SPRR2G: variants seen among roughly 807,000 people sequenced by gnomAD.
SPRR2G encodes the protein small proline-rich protein 2G.
In SPRR2G, 1 loss-of-function variant was observed where a neutral mutation model predicts 0.7. The observed-to-expected ratio is 1.49, with a 90% confidence interval of 0.53 to 7.06. The LOEUF is 7.06. Among genes scored for constraint, SPRR2G ranks in the 30% most tolerant of loss-of-function variants. The pLI, the probability that SPRR2G is intolerant of heterozygous loss-of-function variation, is 0.14. For synonymous variants in SPRR2G, 38 were observed against 33.9 expected (o/e 1.12, Z -0.42); for missense variants, 96 against 88.5 (o/e 1.09, Z -0.34).
At chr1:153,161,030 GA>G in the SPRR2G span, among the ~76,000 whole-genome samples, 4 of 148,456 alleles carry the variant, frequency 2.7e-5, no homozygotes, top group African/African-American at 1.0e-4. Flanking sequence ...TCATAGGTGG[GA>G]ATTGAACAAC....
the SPRR2G span, chr1:153,190,694 A>G: frequency 6.6e-6 from 1 of 152,224 alleles, no homozygotes; most frequent in African/African-American, 2.4e-5. Context: ...AAATTAACAC[A>G]TGAAAACTGC....
At chr1:153,197,656 G>A in the SPRR2G span, among the ~76,000 whole-genome samples, 2 of 152,208 alleles carry the variant, frequency 1.3e-5, no homozygotes, top group Non-Finnish European at 2.9e-5. Context: ...CCCCCCGGCA[G>A]AACAGGTGGG....
the SPRR2G span, among the ~76,000 whole-genome samples, chr1:153,157,164 T>C: frequency 6.6e-6 from 1 of 152,238 alleles, no homozygotes; most frequent in Non-Finnish European, 1.5e-5. Context: ...ATCTGTATTT[T>C]GTGAATTATT....
At chr1:153,184,901 G>GT in the SPRR2G span, among the ~76,000 whole-genome samples, 13 of 152,286 alleles carry the variant, frequency 8.5e-5, no homozygotes, top group South Asian at 2.7e-3. Context: ...TTTATTGAGT[G>GT]TTTTTATCGT....
At chr1:153,174,388 T>C in the SPRR2G span, 1 of 152,160 alleles carries the variant, frequency 6.6e-6, no homozygotes, top group African/African-American at 2.4e-5. Context: ...AGGCTAAGCA[T>C]ATAGGGGAAA....
the SPRR2G span, among the ~76,000 whole-genome samples, chr1:153,181,423 T>C: frequency 6.6e-6 from 1 of 152,200 alleles, no homozygotes; most frequent in Non-Finnish European, 1.5e-5. Context: ...TTTCAGTTCC[T>C]CACTTCCAGA....
At chr1:153,197,880 T>C in the SPRR2G span, among the ~76,000 whole-genome samples, 1 of 152,196 alleles carries the variant, frequency 6.6e-6, no homozygotes, top group African/African-American at 2.4e-5. Context: ...TCCATCTCCT[T>C]ATTGACAAGA....
At chr1:153,199,979 T>C in the SPRR2G span, among the ~76,000 whole-genome samples, 1 of 152,016 alleles carries the variant, frequency 6.6e-6, no homozygotes, top group African/African-American at 2.4e-5. Context: ...AGAAATACTT[T>C]GCCAAAAAAG....
chr1:153,193,266 C>A, the SPRR2G span, among the ~76,000 whole-genome samples: 4 of 152,146 alleles, frequency 2.6e-5, no homozygotes, highest in African/African-American at 4.8e-5. Flanking sequence ...CCACTCACCC[C>A]CACCGATCAT....
the SPRR2G span, among the ~76,000 whole-genome samples, chr1:153,160,195 TAA>T: frequency 2.5e-5 from 1 of 39,236 alleles, no homozygotes; most frequent in Non-Finnish European, 7.9e-5. Flanking sequence ...TCACTTAGCA[TAA>T]TATCATCAAG....
the SPRR2G span, among the ~76,000 whole-genome samples, chr1:153,164,193 CA>C: frequency 6.6e-6 from 1 of 152,154 alleles, no homozygotes; most frequent in African/African-American, 2.4e-5. Context: ...CAAAATCATT[CA>C]CAACCCAAAG....
chr1:153,186,390 G>GAAACTT, the SPRR2G span, among the ~76,000 whole-genome samples: 1 of 152,154 alleles, frequency 6.6e-6, no homozygotes, highest in Non-Finnish European at 1.5e-5. Flanking sequence ...TTATGAATCT[G>GAAACTT]GGTGCTCCTG....
chr1:153,169,422 T>A, the SPRR2G span, among the ~76,000 whole-genome samples: 1 of 151,992 alleles, frequency 6.6e-6, no homozygotes, highest in African/African-American at 2.4e-5. Flanking sequence ...AAAAATTAGT[T>A]GGGCATGGTG....
the SPRR2G span, among the ~76,000 whole-genome samples, chr1:153,157,395 T>A: frequency 6.6e-6 from 1 of 152,190 alleles, no homozygotes; most frequent in Non-Finnish European, 1.5e-5. Flanking sequence ...GGAGAGTAGA[T>A]GAAGTCAAGA....
At chr1:153,178,121 C>T in the SPRR2G span, among the ~76,000 whole-genome samples, 1 of 152,050 alleles carries the variant, frequency 6.6e-6, no homozygotes, top group Non-Finnish European at 1.5e-5. Flanking sequence ...AATTTTATTT[C>T]CAATTGTGTG....
the SPRR2G span, among the ~76,000 whole-genome samples, chr1:153,193,915 C>A: frequency 6.6e-6 from 1 of 152,168 alleles, no homozygotes; most frequent in African/African-American, 2.4e-5. Context: ...GACACCAGAG[C>A]CCCTTGCACA....
chr1:153,165,261 G>T, the SPRR2G span, among the ~76,000 whole-genome samples: 110 of 152,196 alleles, frequency 7.2e-4, no homozygotes, highest in Admixed American at 3.4e-3. Flanking sequence ...AATATTGATA[G>T]ATATTGAACT....
At chr1:153,189,250 C>G in the SPRR2G span, among the ~76,000 whole-genome samples, 1 of 152,094 alleles carries the variant, frequency 6.6e-6, no homozygotes, top group African/African-American at 2.4e-5. Flanking sequence ...TTTAGTGTAA[C>G]ATATGCTTAA....
chr1:153,150,235 C>A, intron 1 of SPRR2G, 104 bp from the exon 2 acceptor site: 1 of 1,482,472 alleles, frequency 6.7e-7, no homozygotes, highest in Admixed American at 2.1e-5. Flanking sequence ...AACTTTGATC[C>A]CTAATACAGT....
Sources: gnomAD v4.1 joint callset for allele counts (sites outside exome capture counted in the v4.1 genomes callset) on GRCh38, gnomAD v4.1.1 for gene constraint, MANE v1.5 for transcripts, NCBI Gene and HGNC (gene_info 2026-07-23, HGNC 2026-07-21) for gene names.